The following ZNF394 variants were observed in gnomAD, a reference collection of about 807,000 sequenced individuals.
The protein encoded by ZNF394 is zinc finger protein 99.
ZNF394 carries 19 observed loss-of-function variants against 21.8 expected under a neutral mutation model. That is an observed-to-expected ratio of 0.87 (90% CI 0.61 to 1.28). The LOEUF (loss-of-function observed/expected upper bound fraction) is 1.28. Among genes scored for constraint, ZNF394 ranks in the 50% most tolerant of loss-of-function variants. The pLI, the probability that ZNF394 is intolerant of heterozygous loss-of-function variation, is 0.00. For synonymous variants in ZNF394, 294 were observed against 273.3 expected, an observed-to-expected ratio of 1.08 and a Z score of -0.75; for missense variants, 683 against 708.6, an observed-to-expected ratio of 0.96 and a Z score of 0.41.
intron 1 of ZNF394, chr7:99,487,388 G>T (rs770399614): frequency 6.2e-7 from 1 of 1,614,208 alleles, no homozygotes; most frequent in Non-Finnish European, 8.5e-7. Flanking sequence ...ATTCACACTG[G>T]AAGCCAACCC....
At chr7:99,497,096 G>T (rs1260569801) in intron 2 of ZNF394, among the ~76,000 whole-genome samples, 1 of 95,354 alleles carries the variant, frequency 1.0e-5, no homozygotes, top group Non-Finnish European at 1.9e-5. Context: ...ACGTGTGTGT[G>T]TGTGTGTGTG....
rs377441684 is a variant in ZNF394, at chr7:99,494,067, T to G, written c.1148A>C (p.Glu383Ala). 4.3e-6 allele frequency: 7 copies of G among 1,614,088 alleles called. No individual in the cohort carries two copies. Among genetic ancestry groups the G allele is most frequent in the Non-Finnish European group, 5.9e-6 (7 of 1,180,046 alleles). The change falls in exon 3 of 3, where the codon GAG (glutamate) becomes GCG (alanine). Residue 383 changes from glutamate (E) to alanine (A), a missense_variant. Physicochemically the swap from Glu to Ala is moderately radical, Grantham distance 107. Transcript: ENST00000337673. ...ACATTCTTGGCAGCCATAGGGTTTC[T>G]CACCTGTGTGGATTCTCTGGTGTCT... is the stretch of plus-strand genomic sequence containing the variant. ...LFRHQRIHTGEKPYGCQECGK... is the reference protein window; with the variant it reads ...LFRHQRIHTGAKPYGCQECGK...
At chr7:99,489,840 T>C (rs1800123392), downstream of ZNF394, among the ~76,000 whole-genome samples, 1 of 152,046 alleles carries the variant, frequency 6.6e-6, no homozygotes, top group Non-Finnish European at 1.5e-5. Context: ...TATGTCTGTA[T>C]TAAAAATTGC....
chr7:99,490,837 C>CA (rs1373649945), downstream of ZNF394, among the ~76,000 whole-genome samples: 1 of 151,934 alleles, frequency 6.6e-6, no homozygotes, highest in Non-Finnish European at 1.5e-5. Flanking sequence ...ATCCAAAGCG[C>CA]AGCCATCCTG....
chr7:99,500,258 T>G lies in ZNF394; in HGVS notation c.-165A>C. 1.7e-6 allele frequency: 1 copy of G among 606,014 alleles called. No individual in the cohort carries two copies. Among genetic ancestry groups the G allele is most frequent in the South Asian group, 3.0e-5 (1 of 33,476 alleles). 37.5% of individuals were successfully genotyped at this position (606,014 alleles called of 1,614,324 possible). ...CTTTCCTCAGCTTTGCGCCTACAACTCTCTCGGTCAAACAACCGAAAACAT... is the reference window on the plus strand; with the variant it reads ...CTTTCCTCAGCTTTGCGCCTACAACGCTCTCGGTCAAACAACCGAAAACAT... On this transcript the variant is annotated 5_prime_UTR_variant, in exon 1 of 3. Transcript: ENST00000337673.
downstream of ZNF394, among the ~76,000 whole-genome samples, chr7:99,490,434 C>T (rs922892019): frequency 2.6e-5 from 4 of 152,130 alleles, no homozygotes; most frequent in Admixed American, 1.3e-4. Flanking sequence ...GGCTTACAGG[C>T]GTGAACCACT....
chr7:99,499,521 A>C, intron 1 of ZNF394, 117 bp downstream of exon 1: 2 of 962,806 alleles, frequency 2.1e-6, no homozygotes, highest in East Asian at 4.8e-5. Flanking sequence ...AAGGAAGTCC[A>C]TACACACCCC....
In ZNF394 at chr7:99,500,261, C is replaced by A; in HGVS notation, c.-168G>T. ...TCCTCAGCTTTGCGCCTACAACTCT[C>A]TCGGTCAAACAACCGAAAACATCCC... On this transcript the variant is annotated 5_prime_UTR_variant, in exon 1 of 3. Coordinates refer to ENST00000337673, the MANE Select transcript of ZNF394 (RefSeq NM_032164.4). 5.0e-6 allele frequency: 3 copies of A among 599,966 alleles called. No individual in the cohort carries two copies. Among genetic ancestry groups the A allele is most frequent in the Non-Finnish European group, 8.1e-6 (3 of 372,262 alleles). The allele number at this position is 599,966 out of a possible 1,614,324, so 37.2% of individuals were successfully genotyped here.
rs774324016 is a variant in ZNF394 at position 99,498,811 on chromosome 7, G to C, written c.488C>G (p.Ser163Cys). Residue 163 changes from serine to cysteine, a missense_variant, in exon 2 of 3, where the codon TCT (serine) becomes TGT (cysteine). By Grantham distance (112) the Ser-to-Cys change is moderately radical. Around this residue, in one of 3 missense-constraint regions of ZNF394, gnomAD observed 402 missense variants for 373.8 expected, o/e 1.08. Coordinates refer to ENST00000337673, the MANE Select transcript of ZNF394 (RefSeq NM_032164.4). ...GCGCTCCCACTCCTCCCAGGTTAGAGACACAGCCGTGTCCTCGAAAGTCAC... is the reference window on the plus strand; with the variant it reads ...GCGCTCCCACTCCTCCCAGGTTAGACACACAGCCGTGTCCTCGAAAGTCAC... ...GMVTFEDTAV[S>C]LTWEEWERLD... 1 of 1,613,986 alleles carries C rather than the reference G, an allele frequency of 6.2e-7. No individual in the cohort carries two copies. Among genetic ancestry groups the C allele is most frequent in the South Asian group, 1.1e-5 (1 of 91,070 alleles).
At chr7:99,497,580 T>G (rs1185920533) in intron 2 of ZNF394, among the ~76,000 whole-genome samples, 1 of 152,056 alleles carries the variant, frequency 6.6e-6, no homozygotes, top group Admixed American at 6.6e-5. Context: ...AACAATATAC[T>G]TAGCTAGGTT....
At chr7:99,487,235 A>C (rs1274186365) in intron 1 of ZNF394, 1 of 1,614,190 alleles carries the variant, frequency 6.2e-7, no homozygotes, top group East Asian at 2.2e-5. Context: ...AACACCCATA[A>C]ATGCAGTGAA....
intron 1 of ZNF394, among the ~76,000 whole-genome samples, chr7:99,499,425 A>G (rs2151085446): frequency 6.6e-6 from 1 of 151,992 alleles, no homozygotes; most frequent in South Asian, 2.1e-4. Context: ...AAAGAAAAAG[A>G]AAGAAAACCA....
intron 2 of ZNF394, among the ~76,000 whole-genome samples, chr7:99,497,708 ACAAAATTAG>A (rs1012038079): frequency 4.6e-4 from 70 of 152,032 alleles, no homozygotes; most frequent in African/African-American, 1.6e-3. Context: ...TACTAAAAAC[ACAAAATTAG>A]CTGAGCATGG....
rs1383115266 is a variant in ZNF394, at chr7:99,487,725, C to T, written n.84-762G>A. The T allele has an allele frequency of 3.3e-5, 15 of 451,730 alleles. No homozygotes were observed. In the South Asian group the frequency reaches 4.8e-4, roughly 14 times the overall value. The allele number at this position is 451,730 out of a possible 1,614,324, so 28.0% of individuals were successfully genotyped here. On this transcript the variant is annotated intron_variant and non_coding_transcript_variant, in intron 1 of 1. Transcript: ENST00000462024. Reference sequence around the variant, plus strand: ...CAAAGCCAGGTGTGGTGGCTCACACCTCCAGTCCCAGCTACTAAGAAGGCT... The same window carrying T: ...CAAAGCCAGGTGTGGTGGCTCACACTTCCAGTCCCAGCTACTAAGAAGGCT...
chr7:99,488,078 A>AG (rs1800066619), intron 1 of ZNF394, among the ~76,000 whole-genome samples: 1 of 151,146 alleles, frequency 6.6e-6, no homozygotes, highest in South Asian at 2.1e-4. Context: ...TCTCAAAAAA[A>AG]AAAAAAAAAA....
chr7:99,499,732 T>G lies in ZNF394; in HGVS notation c.362A>C (p.Gln121Pro). 1 of 1,614,060 alleles carries G rather than the reference T, an allele frequency of 6.2e-7. No individual in the cohort carries two copies. The highest frequency in any genetic ancestry group is 8.5e-7 in the Non-Finnish European group (1 of 1,180,056). The change falls in exon 1 of 3, where the codon CAA (glutamine) becomes CCA (proline). Residue 121 changes from glutamine to proline, a missense_variant. Physicochemically the swap from Gln to Pro is moderately conservative, Grantham distance 76. Coordinates refer to ENST00000337673, the MANE Select transcript of ZNF394 (RefSeq NM_032164.4). ...QFLTILPEEL[Q>P]AWVREHCPES... ...TGGGCAGTGCTCTCGCACCCAGGCT[T>G]GAAGCTCCTCGGGCAGGATGGTGAG...
downstream of ZNF394, among the ~76,000 whole-genome samples, chr7:99,490,613 C>T (rs1800141017): frequency 6.9e-6 from 1 of 144,716 alleles, no homozygotes; most frequent in African/African-American, 2.5e-5. Flanking sequence ...GACTGGGCGA[C>T]AAAGTGAGAC....
rs753318022 is a variant in ZNF394 at position 99,493,893 on chromosome 7, T to C, written c.1322A>G (p.His441Arg). Residue 441 changes from histidine (H) to arginine (R), a missense_variant, in exon 3 of 3, where the codon CAT becomes CGT. By Grantham distance (29) the His-to-Arg change is conservative (BLOSUM62 0). Transcript: ENST00000337673. ...RHQSTHSRDKHFKCEECGETC... is the reference protein window; with the variant it reads ...RHQSTHSRDKRFKCEECGETC... ...TTCCCCGCATTCCTCACATTTAAAATGTTTGTCTCTACTGTGGGTACTTTG... is the reference window on the plus strand; with the variant it reads ...TTCCCCGCATTCCTCACATTTAAAACGTTTGTCTCTACTGTGGGTACTTTG... The C allele has an allele frequency of 8.7e-6, 14 of 1,614,212 alleles. 1 individual carries two copies. The South Asian group carries it at 1.4e-4, about 16-fold the overall frequency.
rs1800216035 is a variant in ZNF394, at chr7:99,493,729, G to T, written c.1486C>A (p.Pro496Thr). The change falls in exon 3 of 3, where the codon CCC becomes ACC. Residue 496 changes from proline to threonine, a missense_variant. By Grantham distance (38) the Pro-to-Thr change is conservative. Around this residue, in one of 3 missense-constraint regions of ZNF394, gnomAD observed 274 missense variants for 314.1 expected, o/e 0.87. Transcript: ENST00000337673. ...TTCCCACAGACGGAACATCCATAGGGCTTCTCCCCAGTGTGGATTCTGTGG... is the reference window on the plus strand; with the variant it reads ...TTCCCACAGACGGAACATCCATAGGTCTTCTCCCCAGTGTGGATTCTGTGG... ...KHHRIHTGEK[P>T]YGCSVCGKRF... 6.2e-7 allele frequency: 1 copy of T among 1,614,056 alleles called. No individual in the cohort carries two copies. The highest frequency in any genetic ancestry group is 8.5e-7 in the Non-Finnish European group (1 of 1,180,030).
Sources: gnomAD v4.1 joint callset for allele counts (sites outside exome capture counted in the v4.1 genomes callset) on GRCh38, gnomAD v4.1.1 for gene constraint, gnomAD v4.1.1 regional missense constraint, MANE v1.5 for transcripts, NCBI Gene and HGNC (gene_info 2026-07-23, HGNC 2026-07-21) for gene names.